Variants in RFPL1 observed in about 807,000 individuals in gnomAD.
RFPL1 encodes ret finger protein like 1.
RFPL1 carries 6 observed loss-of-function variants against 9.6 expected under a neutral mutation model. The ratio of observed to expected loss-of-function variants is 0.62; its 90% CI spans 0.34 to 1.23. The LOEUF is 1.23. Among genes scored for constraint, RFPL1 ranks in the 50% most tolerant of loss-of-function variants. The probability of loss-of-function intolerance (pLI) is 0.03; values close to 1 mark genes in which losing one functional copy is unlikely to be tolerated. For synonymous variants in RFPL1, 145 were observed against 149.4 expected (o/e 0.97, Z 0.22); for missense variants, 352 against 398.4 (o/e 0.88, Z 0.99).
chr22:29,429,087 G>A, the RFPL1 span, among the ~76,000 whole-genome samples: 174 of 152,198 alleles, frequency 1.1e-3, 4 homozygotes, highest in Middle Eastern at 0.014. Flanking sequence ...ATAGGGTCTC[G>A]CTCTGTCACC....
At chr22:29,434,861 A>G (rs1225551701), upstream of RFPL1, 1 of 152,216 alleles carries the variant, frequency 6.6e-6, no homozygotes, top group Non-Finnish European at 1.5e-5. Flanking sequence ...TCATATCTTT[A>G]CATTCACTAA....
the RFPL1 span, among the ~76,000 whole-genome samples, chr22:29,391,333 C>T: frequency 6.6e-5 from 10 of 152,182 alleles, no homozygotes; most frequent in South Asian, 2.1e-4. Context: ...TGTCCTCACA[C>T]GATCTTTCCT....
chr22:29,415,495 A>T, the RFPL1 span, among the ~76,000 whole-genome samples: 1 of 152,244 alleles, frequency 6.6e-6, no homozygotes, highest in South Asian at 2.1e-4. Flanking sequence ...ATGCTCAGGA[A>T]CCGCGTAGCT....
Position 29,439,161 on chromosome 22 carries a change from C to T in RFPL1, c.370C>T (p.Gln124Ter), listed in dbSNP as rs776634381. ...GATGAACCCAAGGATGCGGAAGTTC[C>T]AAGGTGAGGGATCTGTATACACTGC... The change falls in exon 1 of 2, where the codon CAA (glutamine) becomes TAA (stop). Residue 124 changes from glutamine (Q) to a stop codon, truncating the protein, a stop_gained. Transcript: ENST00000354373. LOFTEE classifies it low-confidence loss of function (END_TRUNC). 4.8e-5 allele frequency: 77 copies of T among 1,613,576 alleles called. 1 individual carries two copies. The South Asian group carries it at 6.4e-4, about 13-fold the overall frequency.
At chr22:29,422,392 A>G in the RFPL1 span, among the ~76,000 whole-genome samples, 2 of 152,174 alleles carry the variant, frequency 1.3e-5, no homozygotes, top group African/African-American at 4.8e-5. Context: ...CAGCCTGACA[A>G]GTATGGAGAA....
the RFPL1 span, among the ~76,000 whole-genome samples, chr22:29,427,814 CT>C: frequency 6.6e-6 from 1 of 152,142 alleles, no homozygotes; most frequent in Non-Finnish European, 1.5e-5. Context: ...TCCAGGAGGC[CT>C]CTAAGAGTTC....
At chr22:29,425,117 T>A in the RFPL1 span, among the ~76,000 whole-genome samples, 1 of 145,800 alleles carries the variant, frequency 6.9e-6, no homozygotes, top group East Asian at 2.0e-4. Context: ...GGCAGGAGAA[T>A]GGCGTGGACC....
the RFPL1 span, among the ~76,000 whole-genome samples, chr22:29,428,682 TAACA>T: frequency 1.3e-5 from 2 of 152,068 alleles, no homozygotes; most frequent in Admixed American, 6.6e-5. Flanking sequence ...AAAAAATCAA[TAACA>T]AACAGAGTTT....
At chr22:29,392,519 A>G in the RFPL1 span, among the ~76,000 whole-genome samples, 1 of 150,658 alleles carries the variant, frequency 6.6e-6, no homozygotes, top group Non-Finnish European at 1.5e-5. Context: ...CCTCCCAAGT[A>G]GCTGGGACTG....
the RFPL1 span, among the ~76,000 whole-genome samples, chr22:29,422,425 A>G: frequency 6.6e-6 from 1 of 152,216 alleles, no homozygotes; most frequent in African/African-American, 2.4e-5. Flanking sequence ...CCAAAAATAC[A>G]AAATTAGCCA....
the RFPL1 span, among the ~76,000 whole-genome samples, chr22:29,409,429 C>T: frequency 2.0e-5 from 3 of 152,170 alleles, no homozygotes; most frequent in African/African-American, 7.2e-5. Flanking sequence ...TCCTTCAACA[C>T]CAAGGAGAAT....
intron 1 of RFPL1, 73 bp downstream of exon 1, chr22:29,439,237 A>T: frequency 4.5e-6 from 7 of 1,542,996 alleles, no homozygotes; most frequent in Non-Finnish European, 6.1e-6. Context: ...CTGGCCCCTC[A>T]TTCCATATGG....
At chr22:29,422,795 G>A in the RFPL1 span, among the ~76,000 whole-genome samples, 1 of 121,526 alleles carries the variant, frequency 8.2e-6, no homozygotes, top group Non-Finnish European at 1.6e-5. Context: ...GTACATGGAC[G>A]GAAACACACA....
the RFPL1 span, among the ~76,000 whole-genome samples, chr22:29,430,525 AAAC>A: frequency 6.6e-6 from 1 of 152,310 alleles, no homozygotes; most frequent in East Asian, 1.9e-4. Context: ...GTAACTAACA[AAAC>A]AACAACAAAA....
chr22:29,432,529 G>A, the RFPL1 span, among the ~76,000 whole-genome samples: 69 of 152,256 alleles, frequency 4.5e-4, no homozygotes, highest in African/African-American at 6.5e-4. Context: ...AATTCCGAGC[G>A]TTAGCGTCTC....
At chr22:29,431,598 AATG>A in the RFPL1 span, among the ~76,000 whole-genome samples, 11 of 152,198 alleles carry the variant, frequency 7.2e-5, no homozygotes, top group Admixed American at 4.6e-4. Context: ...CCACATATGC[AATG>A]ATAAGTTTTC....
the RFPL1 span, among the ~76,000 whole-genome samples, chr22:29,414,465 T>TC: frequency 6.6e-6 from 1 of 152,222 alleles, no homozygotes. Flanking sequence ...ATAGATGGCT[T>TC]TTTTTTTCCT....
chr22:29,431,924 C>T, the RFPL1 span, among the ~76,000 whole-genome samples: 1 of 152,106 alleles, frequency 6.6e-6, no homozygotes, highest in Non-Finnish European at 1.5e-5. Flanking sequence ...GAACTCCTGA[C>T]CTCGTGATCT....
At chr22:29,391,610 A>T in the RFPL1 span, among the ~76,000 whole-genome samples, 1 of 152,162 alleles carries the variant, frequency 6.6e-6, no homozygotes, top group Non-Finnish European at 1.5e-5. Context: ...TAAGATTTCC[A>T]AGGAGGGAGA....
Sources: allele counts gnomAD v4.1 joint callset (sites outside exome capture counted in the v4.1 genomes callset), GRCh38; gene constraint gnomAD v4.1.1; transcripts MANE v1.5; gene names NCBI Gene and HGNC (gene_info 2026-07-23, HGNC 2026-07-21).